CREBBP: variants seen among roughly 807,000 people sequenced by gnomAD.
The protein encoded by CREBBP is CREB binding lysine acetyltransferase.
In CREBBP, 19 loss-of-function variants were observed where a neutral mutation model predicts 265.0. The ratio of observed to expected loss-of-function variants is 0.07; its 90% confidence interval spans 0.05 to 0.11. CREBBP has a LOEUF of 0.11. Among genes scored for constraint, CREBBP ranks in the 10% least tolerant of loss-of-function variants. The pLI is 1.00. For synonymous variants in CREBBP, 1,457 were observed against 1,223.7 expected (o/e 1.19, Z -3.98); for missense variants, 2,525 against 3,219.0 (o/e 0.78, Z 5.22).
At chr16:3,878,864 G>C (rs1041278453) in intron 1 of CREBBP, among the ~76,000 whole-genome samples, 4 of 152,126 alleles carry the variant, frequency 2.6e-5, no homozygotes, top group Non-Finnish European at 4.4e-5. Context: ...CAGCGCAGTG[G>C]GACCCAGAAT....
intron 3 of CREBBP, among the ~76,000 whole-genome samples, chr16:3,806,453 TA>T (rs763924641): frequency 3.2e-3 from 451 of 141,438 alleles, no homozygotes; most frequent in Middle Eastern, 7.1e-3. Flanking sequence ...ACGCAGTTCT[TA>T]AAAAAAAAAA....
chr16:3,832,445 T>C (rs1019598912), intron 2 of CREBBP, among the ~76,000 whole-genome samples: 1 of 152,182 alleles, frequency 6.6e-6, no homozygotes, highest in African/African-American at 2.4e-5. Context: ...CAAGGACATC[T>C]TCTGAGAAAA....
chr16:3,820,015 A>G (rs1422084556), intron 2 of CREBBP, among the ~76,000 whole-genome samples: 2 of 152,214 alleles, frequency 1.3e-5, no homozygotes, highest in Admixed American at 1.3e-4. Flanking sequence ...TACATGTAAA[A>G]CCACAAATTC....
intron 15 of CREBBP, among the ~76,000 whole-genome samples, chr16:3,768,143 T>G (rs975514948): frequency 3.0e-5 from 3 of 99,060 alleles, no homozygotes; most frequent in Admixed American, 1.9e-4. Context: ...AGTGTTTTTT[T>G]TTTTTTTTTT....
chr16:3,835,184 A>T (rs2054420513), intron 2 of CREBBP, among the ~76,000 whole-genome samples: 1 of 152,128 alleles, frequency 6.6e-6, no homozygotes, highest in Non-Finnish European at 1.5e-5. Context: ...CAAACAAACA[A>T]AAAAGCTTTT....
chr16:3,752,284 A>G (rs2052492029), intron 19 of CREBBP, among the ~76,000 whole-genome samples: 1 of 152,256 alleles, frequency 6.6e-6, no homozygotes. Flanking sequence ...TACTTGAACA[A>G]AACAGTCTGA....
intron 4 of CREBBP, among the ~76,000 whole-genome samples, chr16:3,792,852 C>A (rs1233903608): frequency 6.6e-6 from 1 of 152,162 alleles, no homozygotes; most frequent in Non-Finnish European, 1.5e-5. Flanking sequence ...TAGTTCACCA[C>A]CCCCCCTGGG....
At chr16:3,804,412 G>C (rs2053787837) in intron 3 of CREBBP, among the ~76,000 whole-genome samples, 1 of 152,208 alleles carries the variant, frequency 6.6e-6, no homozygotes, top group South Asian at 2.1e-4. Context: ...TTACTGGACA[G>C]ACTGTCTTTT....
rs3025679 is a variant in CREBBP, at chr16:3,740,413, G to C, written c.4119C>G (p.Pro1373=). 1.2e-6 allele frequency: 2 copies of C among 1,614,130 alleles called. No individual in the cohort carries two copies. The highest frequency in any genetic ancestry group is 3.3e-5 in the Admixed American group (2 of 60,022). ...ASSDKTVEVK[P]GMKSRFVDSG... The stretch of plus-strand genomic sequence containing the variant: ...GGCACACTGACCGTGACTTCATCCC[G>C]GGCTTGACCTCCACCGTCTTGTCTG... The change falls in exon 24 of 31, where the codon CCC becomes CCG. Residue 1373 remains proline, a synonymous_variant. Coordinates refer to ENST00000262367, the MANE Select transcript of CREBBP (RefSeq NM_004380.3).
chr16:3,731,626 T>C lies in CREBBP; in HGVS notation c.4890+150A>G. The C allele has an allele frequency of 4.3e-6, 6 of 1,388,060 alleles. No homozygotes were observed. The highest frequency in any genetic ancestry group is 2.4e-4 in the Middle Eastern group (1 of 4,136). The allele number at this position is 1,388,060 out of a possible 1,614,324, so 86.0% of individuals were successfully genotyped here. ...GGGATGGAACAAAATTGGTGACACG[T>C]TGCATGATGTCACCCAACTGGTCCA... On this transcript the variant is annotated intron_variant, in intron 29 of 30. Transcript: ENST00000262367. This position sits in a 1 kb window ranked among gnomAD's most constrained non-coding sequence, Gnocchi z 7.7.
rs2141248120 is a variant in CREBBP, at chr16:3,781,283, C to A, written c.1597G>T (p.Ala533Ser). 6.2e-7 allele frequency: 1 copy of A among 1,613,756 alleles called. No homozygotes were observed. Among genetic ancestry groups the A allele is most frequent in the African/African-American group, 1.3e-5 (1 of 75,016 alleles). Residue 533 changes from alanine to serine, a missense_variant, in exon 7 of 31, where the codon GCA becomes TCA. Transcript: ENST00000262367. ...TGCTGATCTGTTGTTATTCCTCCTG[C>A]TGGAATGTTCATTGGATTATTTCCT... is the stretch of plus-strand genomic sequence containing the variant. ...PLGNNPMNIP[A>S]GGITTDQQPP...
chr16:3,849,447 GTGTGT>G lies in CREBBP; in HGVS notation c.798+845_798+849del, dbSNP rs1567360677. Reference sequence around the variant, plus strand: ...TGTGTGTGTGTGTGTGTGTGTGTGTGTGTGTGTGTGTGTGTGTGTGTGTGTGTGTG... The same window carrying G: ...TGTGTGTGTGTGTGTGTGTGTGTGTGGTGTGTGTGTGTGTGTGTGTGTGTG... On this transcript the variant is annotated intron_variant, in intron 2 of 30. Transcript: ENST00000262367. Among the ~76,000 whole-genome samples the G allele has an allele frequency of 5.4e-3, 171 of 31,810 alleles. 9 individuals carry two copies. The highest frequency in any genetic ancestry group is 8.7e-3 in the Non-Finnish European group (79 of 9,062). 20.9% of individuals were successfully genotyped at this position (31,810 alleles called of 152,430 possible).
chr16:3,849,429 GTGTGTGTGTGTGTGTGTGTGT>G lies in CREBBP; in HGVS notation c.798+847_798+867del, dbSNP rs2054751456. On this transcript the variant is annotated intron_variant, in intron 2 of 30. Transcript: ENST00000262367. ...TGTGTGTGTGTGTGTGTGTGTGTGT[GTGTGTGTGTGTGTGTGTGTGT>G]GTGTGTGTGTGTGTGTGTGTGTGTG... Among the ~76,000 whole-genome samples, 123 of 12,820 alleles carry G rather than the reference GTGTGTGTGTGTGTGTGTGTGT, an allele frequency of 9.6e-3. 3 individuals carry two copies. Among genetic ancestry groups the G allele is most frequent in the East Asian group, 0.091 (30 of 328 alleles). The allele number at this position is 12,820 out of a possible 152,430, so 8.4% of individuals were successfully genotyped here.
At chr16:3,759,687 C>T (rs1408648426) in intron 16 of CREBBP, among the ~76,000 whole-genome samples, 2 of 151,940 alleles carry the variant, frequency 1.3e-5, no homozygotes, top group Admixed American at 6.6e-5. Context: ...TGGAGACAAA[C>T]GGTTTTGAAT....
chr16:3,835,709 A>T (rs1163135575), intron 2 of CREBBP, among the ~76,000 whole-genome samples: 1 of 150,280 alleles, frequency 6.7e-6, no homozygotes, highest in Non-Finnish European at 1.5e-5. Context: ...CCTCCCGAGT[A>T]GCTGGGACTA....
At chr16:3,848,976 G>A (rs559362077) in intron 2 of CREBBP, among the ~76,000 whole-genome samples, 5 of 152,136 alleles carry the variant, frequency 3.3e-5, no homozygotes, top group Non-Finnish European at 7.3e-5. Flanking sequence ...ACATTCACAG[G>A]GTTTTGCATC....
chr16:3,828,125 C>A (rs2054274635), intron 2 of CREBBP, among the ~76,000 whole-genome samples: 1 of 152,026 alleles, frequency 6.6e-6, no homozygotes, highest in South Asian at 2.1e-4. Context: ...GAGTCTCTCG[C>A]TCTGTCACCC....
chr16:3,777,025 TAAAAG>T (rs2053156625), intron 11 of CREBBP, among the ~76,000 whole-genome samples: 1 of 140,858 alleles, frequency 7.1e-6, no homozygotes, highest in African/African-American at 2.7e-5. Flanking sequence ...CTCAAAAAAA[TAAAAG>T]AAAAGAAAAT....
intron 2 of CREBBP, among the ~76,000 whole-genome samples, chr16:3,835,146 G>GA (rs1567349022): frequency 6.6e-6 from 1 of 152,054 alleles, no homozygotes; most frequent in East Asian, 1.9e-4. Flanking sequence ...GCAAAAGAGC[G>GA]AGACTCCTTC....
Sources: gnomAD v4.1 joint callset for allele counts (sites outside exome capture counted in the v4.1 genomes callset) on GRCh38, gnomAD v4.1.1 for gene constraint, Gnocchi (gnomAD v3.1) non-coding constraint, MANE v1.5 for transcripts, NCBI Gene and HGNC (gene_info 2026-07-23, HGNC 2026-07-21) for gene names.